The following TSPAN8 variants were observed in gnomAD, a reference collection of about 807,000 sequenced individuals.
TSPAN8 encodes tetraspanin 8, also known as tetraspanin-8.
TSPAN8 carries 21 observed loss-of-function variants against 32.8 expected under a neutral mutation model. That is an observed-to-expected ratio of 0.64 (90% confidence interval 0.45 to 0.92). The LOEUF (loss-of-function observed/expected upper bound fraction) is 0.92, where lower values mean the gene tolerates loss of function less well. Among genes scored for constraint, TSPAN8 ranks in the 40% least tolerant of loss-of-function variants. The pLI is 0.00. For missense variants in TSPAN8, 269 were observed against 281.9 expected, an observed-to-expected ratio of 0.95 and a Z score of 0.33; for synonymous variants, 95 against 94.6, an observed-to-expected ratio of 1.00 and a Z score of -0.03.
At chr12:71,129,784 A>G (rs1182068141) in intron 7 of TSPAN8, among the ~76,000 whole-genome samples, 1 of 152,150 alleles carries the variant, frequency 6.6e-6, no homozygotes, top group Non-Finnish European at 1.5e-5. Context: ...ATAAAAGTAT[A>G]AATCATAATT....
At chr12:71,143,763 G>T (rs1165282730) in intron 3 of TSPAN8, among the ~76,000 whole-genome samples, 1 of 152,042 alleles carries the variant, frequency 6.6e-6, no homozygotes, top group Non-Finnish European at 1.5e-5. Context: ...CTAAATTATT[G>T]TCAAAACCTT....
At position 71,125,195 on chromosome 12, in the gene TSPAN8, T is replaced by C. The variant is rs1315165217; in HGVS notation, c.*139A>G. The C allele has an allele frequency of 3.1e-6, 2 of 654,064 alleles. No individual in the cohort carries two copies. The highest frequency in any genetic ancestry group is 3.6e-5 in the African/African-American group (2 of 55,568). 40.5% of individuals were successfully genotyped at this position (654,064 alleles called of 1,614,324 possible). On this transcript the variant is annotated 3_prime_UTR_variant, in exon 9 of 9. Coordinates refer to ENST00000247829, the MANE Select transcript of TSPAN8 (RefSeq NM_004616.3). ...AAATGTGTTCAATATGTCTAGAAGA[T>C]ATCTGTGGTCTAGCTAGCCGAGACA...
intron 7 of TSPAN8, among the ~76,000 whole-genome samples, chr12:71,131,237 G>A (rs965716897): frequency 6.6e-6 from 1 of 152,086 alleles, no homozygotes; most frequent in Admixed American, 6.5e-5. Context: ...GGGGAGCAGG[G>A]AGAATATAAA....
chr12:71,129,102 C>G (rs1871434222), intron 8 of TSPAN8, among the ~76,000 whole-genome samples: 1 of 152,086 alleles, frequency 6.6e-6, no homozygotes, highest in Non-Finnish European at 1.5e-5. Context: ...CATTCAGAAG[C>G]AAGAATCTCA....
At chr12:71,145,000 A>T (rs1229655343) in intron 2 of TSPAN8, among the ~76,000 whole-genome samples, 1 of 152,116 alleles carries the variant, frequency 6.6e-6, no homozygotes, top group Non-Finnish European at 1.5e-5. Context: ...ACAAAAATCA[A>T]AGATCTATTA....
intron 4 of TSPAN8, among the ~76,000 whole-genome samples, chr12:71,139,498 ATT>A (rs1555195471): frequency 1.1e-4 from 17 of 152,166 alleles, no homozygotes; most frequent in South Asian, 2.1e-4. Context: ...TGGATGAATG[ATT>A]AAAATTTGTC....
intron 2 of TSPAN8, among the ~76,000 whole-genome samples, chr12:71,155,200 G>T (rs551494684): frequency 1.3e-5 from 2 of 152,258 alleles, no homozygotes; most frequent in African/African-American, 4.8e-5. Context: ...AATAAAGAAA[G>T]AAAAGTTGAT....
At chr12:71,155,821 T>G (rs1872408590) in intron 2 of TSPAN8, among the ~76,000 whole-genome samples, 1 of 151,964 alleles carries the variant, frequency 6.6e-6, no homozygotes, top group Non-Finnish European at 1.5e-5. Context: ...AACCTCCCCC[T>G]GCCAGGTTCA....
chr12:71,154,641 T>G (rs997927266), intron 2 of TSPAN8, among the ~76,000 whole-genome samples: 2 of 152,226 alleles, frequency 1.3e-5, no homozygotes, highest in African/African-American at 4.8e-5. Flanking sequence ...AGATTGCTAC[T>G]GGTTTCAGTG....
At chr12:71,125,622 C>T (rs1420269623) in intron 8 of TSPAN8, among the ~76,000 whole-genome samples, 1 of 152,096 alleles carries the variant, frequency 6.6e-6, no homozygotes, top group Non-Finnish European at 1.5e-5. Context: ...CAATCAGCCT[C>T]TATCTAACTG....
At chr12:71,147,267 G>A (rs1872106441) in intron 2 of TSPAN8, among the ~76,000 whole-genome samples, 1 of 152,102 alleles carries the variant, frequency 6.6e-6, no homozygotes, top group Admixed American at 6.5e-5. Flanking sequence ...ATGTTGATTT[G>A]TCCTTTTCTT....
intron 7 of TSPAN8, among the ~76,000 whole-genome samples, chr12:71,130,509 C>T (rs558945034): frequency 1.3e-5 from 2 of 152,214 alleles, no homozygotes; most frequent in South Asian, 2.1e-4. Flanking sequence ...AAAGACTACA[C>T]AGTATAATTG....
At chr12:71,148,022 G>A (rs1290082971) in intron 2 of TSPAN8, among the ~76,000 whole-genome samples, 2 of 152,034 alleles carry the variant, frequency 1.3e-5, no homozygotes, top group Non-Finnish European at 2.9e-5. Context: ...TCAGTCTTGG[G>A]CTTTAGCGCA....
At chr12:71,125,841 G>A (rs1426817838) in intron 8 of TSPAN8, among the ~76,000 whole-genome samples, 5 of 152,156 alleles carry the variant, frequency 3.3e-5, no homozygotes, top group African/African-American at 1.2e-4. Flanking sequence ...AATTTCTCTT[G>A]CTGTAGTTTT....
chr12:71,144,250 T>C, intron 2 of TSPAN8, 37 bp from the exon 3 acceptor site: 4 of 1,583,564 alleles, frequency 2.5e-6, no homozygotes, highest in Middle Eastern at 1.7e-4. Flanking sequence ...AGAATACAAT[T>C]AGGATCATAT....
At chr12:71,125,810 CATAAAA>C (rs1402787611) in intron 8 of TSPAN8, among the ~76,000 whole-genome samples, 1 of 152,136 alleles carries the variant, frequency 6.6e-6, no homozygotes, top group Non-Finnish European at 1.5e-5. Flanking sequence ...AAATCATCTG[CATAAAA>C]ATCAAGAAGT....
intron 2 of TSPAN8, among the ~76,000 whole-genome samples, chr12:71,147,279 G>A (rs1274436064): frequency 6.6e-6 from 1 of 152,136 alleles, no homozygotes. Flanking sequence ...CCTTTTCTTT[G>A]ATAATGTGTC....
chr12:71,154,439 T>C (rs1427044802), intron 2 of TSPAN8, among the ~76,000 whole-genome samples: 2 of 151,674 alleles, frequency 1.3e-5, no homozygotes, highest in Non-Finnish European at 2.9e-5. Context: ...CCTATCAAGG[T>C]AGGTAGGTAA....
intron 2 of TSPAN8, among the ~76,000 whole-genome samples, chr12:71,150,189 G>T (rs1872207092): frequency 6.6e-6 from 1 of 152,112 alleles, no homozygotes; most frequent in Admixed American, 6.6e-5. Flanking sequence ...TTCAAACCCT[G>T]TTTTCTGTTG....
Sources: gnomAD v4.1 joint callset for allele counts (sites outside exome capture counted in the v4.1 genomes callset) on GRCh38, gnomAD v4.1.1 for gene constraint, MANE v1.5 for transcripts, NCBI Gene and HGNC (gene_info 2026-07-23, HGNC 2026-07-21) for gene names.